Variants in TUBD1 observed in about 807,000 individuals in gnomAD.
TUBD1 encodes tubulin delta chain.
Under a neutral mutation model 51.2 loss-of-function variants are expected in TUBD1, and 38 were observed. The ratio of observed to expected loss-of-function variants is 0.74; its 90% CI spans 0.57 to 0.97. The LOEUF (loss-of-function observed/expected upper bound fraction) is 0.97. Among genes scored for constraint, TUBD1 ranks in the 50% least tolerant of loss-of-function variants. The pLI, the probability that TUBD1 is intolerant of heterozygous loss-of-function variation, is 0.00. For missense variants in TUBD1, 489 were observed against 538.4 expected, an observed-to-expected ratio of 0.91 and a Z score of 0.91; for synonymous variants, 169 against 178.2, an observed-to-expected ratio of 0.95 and a Z score of 0.41.
rs745400831 is a variant in TUBD1 at position 59,863,663 on chromosome 17, C to G, written c.1259+1G>C. The G allele has an allele frequency of 2.6e-6, 4 of 1,517,596 alleles. No individual in the cohort carries two copies. Among genetic ancestry groups the G allele is most frequent in the Admixed American group, 4.6e-5 (2 of 43,700 alleles). The allele number at this position is 1,517,596 out of a possible 1,614,324, so 94.0% of individuals were successfully genotyped here. On this transcript the variant is annotated splice_donor_variant, in intron 8 of 8. Coordinates refer to ENST00000325752, the MANE Select transcript of TUBD1 (RefSeq NM_016261.4). LOFTEE classifies it high-confidence loss of function. ...GGTTTGTAGACTTATTTTATACTTA[C>G]TTTGAAGCAAACATATTCCATGCCT...
intron 6 of TUBD1, among the ~76,000 whole-genome samples, chr17:59,868,128 A>G (rs2039795466): frequency 6.7e-6 from 1 of 148,260 alleles, no homozygotes; most frequent in Non-Finnish European, 1.5e-5. Flanking sequence ...AAAAAAAAAA[A>G]AAAAAATTAG....
chr17:59,870,627 A>G (rs1368937858), intron 6 of TUBD1, among the ~76,000 whole-genome samples: 1 of 151,688 alleles, frequency 6.6e-6, no homozygotes, highest in Non-Finnish European at 1.5e-5. Context: ...CTTTCGCAGG[A>G]AAGTGTAACA....
chr17:59,884,895 C>T (rs1330800244), intron 3 of TUBD1: 1 of 196,288 alleles, frequency 5.1e-6, no homozygotes, highest in African/African-American at 2.4e-5. Context: ...TGCACTCCAG[C>T]CTGGGTGACA....
At chr17:59,885,300 G>A in intron 3 of TUBD1, 1 of 605,546 alleles carries the variant, frequency 1.7e-6, no homozygotes, top group South Asian at 1.6e-5. Flanking sequence ...ACCTGAGATT[G>A]AACTGGGGTG....
intron 3 of TUBD1, among the ~76,000 whole-genome samples, chr17:59,882,432 G>T (rs924360914): frequency 1.3e-5 from 2 of 151,490 alleles, no homozygotes; most frequent in African/African-American, 2.4e-5. Context: ...GATTAAAGGT[G>T]CGCGCCACCA....
At chr17:59,871,457 C>A (rs1309556557) in intron 6 of TUBD1, among the ~76,000 whole-genome samples, 2 of 152,154 alleles carry the variant, frequency 1.3e-5, no homozygotes, top group Admixed American at 1.3e-4. Context: ...CTTGGCCTCC[C>A]AAAGTGCTGG....
intron 6 of TUBD1, among the ~76,000 whole-genome samples, chr17:59,872,232 G>A (rs1438463908): frequency 1.3e-5 from 2 of 151,978 alleles, no homozygotes; most frequent in Non-Finnish European, 2.9e-5. Context: ...GCTCACAGGC[G>A]TGAGCCACCC....
intron 2 of TUBD1, among the ~76,000 whole-genome samples, chr17:59,887,665 A>T (rs2144574617): frequency 6.6e-6 from 1 of 152,312 alleles, no homozygotes; most frequent in Non-Finnish European, 1.5e-5. Flanking sequence ...ATTTTCAAGC[A>T]GGCGAGGAAT....
At chr17:59,869,391 G>A (rs941385499) in intron 6 of TUBD1, among the ~76,000 whole-genome samples, 6 of 150,346 alleles carry the variant, frequency 4.0e-5, no homozygotes, top group East Asian at 2.0e-4. Flanking sequence ...CAAAAGAATC[G>A]CTTCAACTGG....
intron 3 of TUBD1, chr17:59,885,473 A>G (rs2040679965): frequency 1.9e-6 from 3 of 1,574,342 alleles, no homozygotes; most frequent in Non-Finnish European, 2.6e-6. Flanking sequence ...GGACCAAAGC[A>G]GTATCCTTAC....
chr17:59,867,862 T>C (rs970356357), intron 6 of TUBD1, among the ~76,000 whole-genome samples: 3 of 151,858 alleles, frequency 2.0e-5, no homozygotes, highest in Non-Finnish European at 1.5e-5. Context: ...CCAATCATCT[T>C]TGCTTCCTGG....
At chr17:59,875,507 C>T (rs967884552) in intron 5 of TUBD1, among the ~76,000 whole-genome samples, 5 of 151,534 alleles carry the variant, frequency 3.3e-5, no homozygotes, top group African/African-American at 4.8e-5. Flanking sequence ...CCAGCACTTT[C>T]GGAGGCCTAG....
chr17:59,878,995 C>T (rs1221890410), intron 4 of TUBD1, among the ~76,000 whole-genome samples: 1 of 152,120 alleles, frequency 6.6e-6, no homozygotes, highest in Admixed American at 6.6e-5. Context: ...AATTTTCAAG[C>T]TGGGAGCGGT....
chr17:59,881,758 C>G (rs927808794), intron 3 of TUBD1, among the ~76,000 whole-genome samples: 3 of 152,132 alleles, frequency 2.0e-5, no homozygotes, highest in South Asian at 4.1e-4. Flanking sequence ...CTCACTCCCC[C>G]TCCCGGGTTC....
chr17:59,886,094 G>C lies in TUBD1; in HGVS notation c.309C>G (p.Asn103Lys), dbSNP rs766414874. Residue 103 changes from asparagine (N) to lysine (K), a missense_variant, in exon 3 of 9, where the codon AAC (asparagine) becomes AAG (lysine). By Grantham distance (94) the Asn-to-Lys change is moderately conservative (BLOSUM62 0). Transcript: ENST00000325752. ...GAAATTATTCTTACCCATATGCCCA[G>C]TTGTTTCCAGAACCTTGTTTTTGAC... ...CFCQKQGSGN[N>K]WAYGYSVHGP... 3.1e-6 allele frequency: 5 copies of C among 1,613,802 alleles called. No individual in the cohort carries two copies. The African/African-American group carries it at 4.0e-5, about 13-fold the overall frequency.
intron 2 of TUBD1, among the ~76,000 whole-genome samples, chr17:59,889,381 G>C (rs2040881744): frequency 6.6e-6 from 1 of 150,764 alleles, no homozygotes; most frequent in Non-Finnish European, 1.5e-5. Context: ...AGAAAAGAAA[G>C]AGAGGCTGGG....
chr17:59,867,543 A>T (rs202167089), intron 6 of TUBD1, among the ~76,000 whole-genome samples: 1 of 33,252 alleles, frequency 3.0e-5, no homozygotes, highest in Non-Finnish European at 4.8e-5. Context: ...TCTGCTTCTT[A>T]AAAAAATTAG....
In TUBD1 at chr17:59,878,179, G is replaced by A. The variant is rs143368863; in HGVS notation, c.693C>T (p.Leu231=). 93 of 1,614,104 alleles carry A rather than the reference G, an allele frequency of 5.8e-5. No homozygotes were observed. The African/African-American group carries it at 5.9e-4, about 10-fold the overall frequency. ...GGAACACACTTCCCAGCTGATGTGCGAGGACTTGATTGATATCACTAAAGG... is the reference window on the plus strand; with the variant it reads ...GGAACACACTTCCCAGCTGATGTGCAAGGACTTGATTGATATCACTAAAGG... ...QISFSDINQV[L]AHQLGSVFQP... The change falls in exon 5 of 9, where the codon CTC becomes CTT. Residue 231 remains leucine (L), a synonymous_variant. Coordinates refer to ENST00000325752, the MANE Select transcript of TUBD1 (RefSeq NM_016261.4).
In TUBD1 at chr17:59,870,807, C is replaced by T. The variant is rs547314023; in HGVS notation, c.934+3732G>A. 3.3e-5 allele frequency among the ~76,000 whole-genome samples: 5 copies of T among 152,276 alleles called. No individual in the cohort carries two copies. In the East Asian group the frequency reaches 9.6e-4, roughly 29 times the overall value. Reference sequence around the variant, plus strand: ...GCAGATCACCTTACTGTGAAACCCACACAAGTCTGCAATGTCCGTAAGGGT... The same window carrying T: ...GCAGATCACCTTACTGTGAAACCCATACAAGTCTGCAATGTCCGTAAGGGT... On this transcript the variant is annotated intron_variant, in intron 6 of 8. Coordinates refer to ENST00000325752, the MANE Select transcript of TUBD1 (RefSeq NM_016261.4).
Sources: allele counts gnomAD v4.1 joint callset (sites outside exome capture counted in the v4.1 genomes callset), GRCh38; gene constraint gnomAD v4.1.1; transcripts MANE v1.5; gene names NCBI Gene and HGNC (gene_info 2026-07-23, HGNC 2026-07-21).